Variants in NBAS observed in about 807,000 individuals in gnomAD.
The protein encoded by NBAS is NAG/BC035112 fusion.
In NBAS, 219 loss-of-function variants were observed where a neutral mutation model predicts 302.5. The observed-to-expected ratio is 0.72, with a 90% CI of 0.65 to 0.81. The LOEUF (loss-of-function observed/expected upper bound fraction) is 0.81, where lower values mean the gene tolerates loss of function less well. NBAS is among the 30% of genes least tolerant of loss of function. The probability of loss-of-function intolerance (pLI) is 0.00; values close to 1 mark genes in which losing one functional copy is unlikely to be tolerated. For synonymous variants in NBAS, 1,118 were observed against 1,021.6 expected (o/e 1.09, Z -1.80); for missense variants, 2,932 against 2,841.6 (o/e 1.03, Z -0.72).
chr2:14,958,806 A>T, the NBAS span, among the ~76,000 whole-genome samples: 3 of 152,232 alleles, frequency 2.0e-5, no homozygotes, highest in Non-Finnish European at 4.4e-5. Flanking sequence ...GGAACCTCAC[A>T]TCAAGAAAAA....
the NBAS span, among the ~76,000 whole-genome samples, chr2:14,985,266 G>A: frequency 6.6e-6 from 1 of 152,078 alleles, no homozygotes; most frequent in African/African-American, 2.4e-5. Context: ...AAAGAAAAAA[G>A]GAAAGAGAAA....
intron 44 of NBAS, among the ~76,000 whole-genome samples, chr2:15,264,667 A>G (rs1345953600): frequency 6.6e-6 from 1 of 152,188 alleles, no homozygotes; most frequent in African/African-American, 2.4e-5. Context: ...GACTTTGTCA[A>G]TTCTAGCTCA....
the NBAS span, among the ~76,000 whole-genome samples, chr2:14,899,599 G>A: frequency 6.6e-6 from 1 of 152,148 alleles, no homozygotes; most frequent in Non-Finnish European, 1.5e-5. Flanking sequence ...AAACATTGCT[G>A]ATTTTACAGT....
rs1680746372 is a variant in NBAS at position 15,488,947 on chromosome 2, T to C, written c.1030A>G (p.Ile344Val). ...AAIHFSGKLS[I>V]WAIPSLKQQG... ...TGCTTCAGAGATGGAATCGCCCAGA[T>C]GCTCAGTTTCCCTGAGAAGTGAATG... Residue 344 changes from isoleucine (I) to valine (V), a missense_variant, in exon 12 of 52, where the codon ATC (isoleucine) becomes GTC (valine). Transcript: ENST00000281513. 6.2e-7 allele frequency: 1 copy of C among 1,613,932 alleles called. No individual in the cohort carries two copies. The highest frequency in any genetic ancestry group is 2.2e-5 in the East Asian group (1 of 44,850).
At chr2:14,793,354 A>G in the NBAS span, among the ~76,000 whole-genome samples, 1 of 152,234 alleles carries the variant, frequency 6.6e-6, no homozygotes, top group Non-Finnish European at 1.5e-5. Flanking sequence ...AAAAATAAGA[A>G]ATCTCAGCAA....
the NBAS span, among the ~76,000 whole-genome samples, chr2:15,121,147 C>T: frequency 6.6e-6 from 1 of 152,170 alleles, no homozygotes; most frequent in East Asian, 1.9e-4. Context: ...AATATGAGAG[C>T]TGAGTTTTCC....
At chr2:14,819,993 T>C in the NBAS span, among the ~76,000 whole-genome samples, 2 of 152,182 alleles carry the variant, frequency 1.3e-5, no homozygotes, top group South Asian at 2.1e-4. Context: ...AAATGGCTTA[T>C]AGCCAAAAGA....
At chr2:15,187,936 C>A (rs571647051) in intron 49 of NBAS, among the ~76,000 whole-genome samples, 3 of 152,202 alleles carry the variant, frequency 2.0e-5, no homozygotes, top group Non-Finnish European at 4.4e-5. Context: ...CTTCAAGGTA[C>A]ACACAGTTCT....
the NBAS span, among the ~76,000 whole-genome samples, chr2:15,118,751 C>A: frequency 3.9e-5 from 6 of 152,152 alleles, no homozygotes; most frequent in Non-Finnish European, 7.4e-5. Flanking sequence ...AGTGAAGAAG[C>A]TGTCTGAGTT....
At chr2:15,203,118 A>G (rs562318968) in intron 48 of NBAS, among the ~76,000 whole-genome samples, 1 of 152,330 alleles carries the variant, frequency 6.6e-6, no homozygotes, top group East Asian at 1.9e-4. Context: ...ATAGCATAAC[A>G]TATAACATAA....
chr2:15,019,844 C>G, the NBAS span, among the ~76,000 whole-genome samples: 1 of 148,160 alleles, frequency 6.7e-6, no homozygotes, highest in African/African-American at 2.5e-5. Flanking sequence ...AGCAGACACT[C>G]AACAGAAAAC....
At chr2:14,906,112 CAGT>C in the NBAS span, among the ~76,000 whole-genome samples, 2 of 152,032 alleles carry the variant, frequency 1.3e-5, no homozygotes, top group African/African-American at 4.8e-5. Flanking sequence ...GCAGCAGCAG[CAGT>C]AGTAGTAGTA....
chr2:15,287,076 C>G lies in NBAS; in HGVS notation c.5135G>C (p.Ser1712Thr). ...MTHLEFLFTD[S>T]GLSTLEIENR... ...TACATATGAACTGTGTGCTTACCCACTGTCCGTGAAGAGGAACTCCAAATG... is the reference window on the plus strand; with the variant it reads ...TACATATGAACTGTGTGCTTACCCAGTGTCCGTGAAGAGGAACTCCAAATG... The change falls in exon 42 of 52, where the codon AGT becomes ACT. Residue 1712 changes from serine (S) to threonine (T), a missense_variant. Ser to Thr is a moderately conservative substitution (Grantham distance 58). Transcript: ENST00000281513. 6.2e-7 allele frequency: 1 copy of G among 1,604,244 alleles called. No homozygotes were observed.
chr2:15,524,116 AAAT>A (rs1456166640), intron 9 of NBAS, among the ~76,000 whole-genome samples: 5 of 152,344 alleles, frequency 3.3e-5, no homozygotes, highest in African/African-American at 9.6e-5. Flanking sequence ...CATAAAAGCT[AAAT>A]AACTGTGCTT....
chr2:15,518,973 AC>A (rs1455088311), intron 9 of NBAS, among the ~76,000 whole-genome samples: 1 of 152,052 alleles, frequency 6.6e-6, no homozygotes, highest in Non-Finnish European at 1.5e-5. Flanking sequence ...CTCCCACAAC[AC>A]GTGGAAATTA....
intron 44 of NBAS, among the ~76,000 whole-genome samples, chr2:15,255,181 C>A (rs114646930): frequency 6.6e-6 from 1 of 152,162 alleles, no homozygotes; most frequent in Non-Finnish European, 1.5e-5. Context: ...ACATTCCCAC[C>A]AGCAGTGTAA....
At chr2:15,059,878 G>C in the NBAS span, among the ~76,000 whole-genome samples, 2 of 150,288 alleles carry the variant, frequency 1.3e-5, no homozygotes, top group Non-Finnish European at 2.9e-5. Context: ...CAGCAAAAAG[G>C]CTAAACCACA....
chr2:15,361,700 T>C (rs1002991250), intron 32 of NBAS, among the ~76,000 whole-genome samples: 3 of 152,066 alleles, frequency 2.0e-5, no homozygotes, highest in African/African-American at 7.2e-5. Context: ...AGGAAATGGC[T>C]GGGCACGGTG....
chr2:15,230,133 A>C (rs1258826411), intron 47 of NBAS, among the ~76,000 whole-genome samples: 1 of 152,156 alleles, frequency 6.6e-6, no homozygotes, highest in East Asian at 1.9e-4. Flanking sequence ...ACGGGCTCCT[A>C]GAGGTTAGGC....
Sources: allele counts gnomAD v4.1 joint callset (sites outside exome capture counted in the v4.1 genomes callset), GRCh38; gene constraint gnomAD v4.1.1; transcripts MANE v1.5; gene names NCBI Gene and HGNC (gene_info 2026-07-23, HGNC 2026-07-21).